PTPRG: variants seen among roughly 807,000 people sequenced by gnomAD.
The protein encoded by PTPRG is receptor-type tyrosine-protein phosphatase gamma.
In PTPRG, 102 loss-of-function variants were observed where a neutral mutation model predicts 165.3. The observed-to-expected ratio is 0.62, with a 90% confidence interval of 0.53 to 0.73. PTPRG has a LOEUF of 0.73. PTPRG is among the 30% of genes least tolerant of loss of function. PTPRG has a pLI of 0.00. For synonymous variants in PTPRG, 675 were observed against 669.5 expected (o/e 1.01, Z -0.13); for missense variants, 1,866 against 1,861.4 (o/e 1.00, Z -0.05).
chr3:62,277,423 G>C, intron 25 of PTPRG, 128 bp from the exon 26 acceptor site: 2 of 1,070,926 alleles, frequency 1.9e-6, no homozygotes, highest in Non-Finnish European at 2.7e-6. Context: ...CAAATGTACC[G>C]AATGCCTTTC....
chr3:61,829,037 G>A (rs934774432), intron 2 of PTPRG, among the ~76,000 whole-genome samples: 1 of 152,154 alleles, frequency 6.6e-6, no homozygotes, highest in African/African-American at 2.4e-5. Context: ...CTTAGCACGT[G>A]GTGTGTATGT....
chr3:61,574,897 A>T (rs1389605604), intron 1 of PTPRG, among the ~76,000 whole-genome samples: 1 of 152,124 alleles, frequency 6.6e-6, no homozygotes, highest in Non-Finnish European at 1.5e-5. Context: ...CATTCCCACG[A>T]GAAGTGACTC....
At chr3:61,941,749 G>T (rs1395687751) in intron 2 of PTPRG, among the ~76,000 whole-genome samples, 1 of 151,950 alleles carries the variant, frequency 6.6e-6, no homozygotes, top group Non-Finnish European at 1.5e-5. Flanking sequence ...TTTAAAAACA[G>T]TTTTTTTCAT....
At chr3:61,867,471 A>G (rs867284448) in intron 2 of PTPRG, among the ~76,000 whole-genome samples, 10 of 152,284 alleles carry the variant, frequency 6.6e-5, no homozygotes, top group African/African-American at 2.4e-4. Context: ...TTTATTTAAC[A>G]ATAATAATAA....
intron 1 of PTPRG, among the ~76,000 whole-genome samples, chr3:61,685,856 T>C (rs1356154746): frequency 6.6e-6 from 1 of 152,198 alleles, no homozygotes; most frequent in African/African-American, 2.4e-5. Context: ...GTCAGTGTAA[T>C]TGACTGCTGG....
chr3:62,086,084 A>G (rs1227510072), intron 5 of PTPRG, among the ~76,000 whole-genome samples: 1 of 152,188 alleles, frequency 6.6e-6, no homozygotes, highest in South Asian at 2.1e-4. Flanking sequence ...TTCGACTTGT[A>G]AATTTTAGAA....
intron 5 of PTPRG, among the ~76,000 whole-genome samples, chr3:62,123,157 A>G (rs918590851): frequency 2.0e-5 from 3 of 152,246 alleles, no homozygotes; most frequent in Non-Finnish European, 4.4e-5. Context: ...AACTGGGACT[A>G]TGATCTCATC....
At chr3:62,176,677 G>A (rs1705439123) in intron 8 of PTPRG, among the ~76,000 whole-genome samples, 1 of 152,052 alleles carries the variant, frequency 6.6e-6, no homozygotes, top group Admixed American at 6.5e-5. Flanking sequence ...TAGGGTATTG[G>A]TCACAGGGTT....
chr3:61,762,142 G>C (rs985340779), intron 2 of PTPRG, among the ~76,000 whole-genome samples: 1 of 152,114 alleles, frequency 6.6e-6, no homozygotes, highest in Non-Finnish European at 1.5e-5. Context: ...CTGTTGATAA[G>C]TACATGGTCC....
intron 1 of PTPRG, among the ~76,000 whole-genome samples, chr3:61,656,783 T>G (rs987887208): frequency 6.6e-6 from 1 of 152,234 alleles, no homozygotes; most frequent in African/African-American, 2.4e-5. Context: ...TCACATCCTT[T>G]AGTTGTTTTC....
rs1338958110 is a variant in PTPRG, at chr3:62,072,995, G to GGC, written c.520-5167_520-5166dup. ...AAAAAATAAAAAAATAGGAGAACGTGGCAGAGTGACAGGGAAATAGTTTTG... is the reference window on the plus strand; with the variant it reads ...AAAAAATAAAAAAATAGGAGAACGTGGCGCAGAGTGACAGGGAAATAGTTTTG... On this transcript the variant is annotated intron_variant, in intron 4 of 29. Coordinates refer to ENST00000474889, the MANE Select transcript of PTPRG (RefSeq NM_002841.4). Among the ~76,000 whole-genome samples, 6 of 152,138 alleles carry GGC rather than the reference G, an allele frequency of 3.9e-5. No homozygotes were observed. The East Asian group carries it at 1.2e-3, about 29-fold the overall frequency.
chr3:62,226,137 G>A (rs1700758930), intron 13 of PTPRG, among the ~76,000 whole-genome samples: 1 of 152,218 alleles, frequency 6.6e-6, no homozygotes, highest in African/African-American at 2.4e-5. Context: ...ATTTTTGGTG[G>A]ATTGTGGATT....
intron 2 of PTPRG, among the ~76,000 whole-genome samples, chr3:61,840,257 A>T (rs1366567816): frequency 1.3e-5 from 2 of 152,134 alleles, no homozygotes; most frequent in East Asian, 3.8e-4. Flanking sequence ...AAGTGTAGTT[A>T]ACATTCTTAA....
At chr3:62,269,966 A>G (rs535438643) in intron 20 of PTPRG, among the ~76,000 whole-genome samples, 9 of 152,308 alleles carry the variant, frequency 5.9e-5, no homozygotes, top group African/African-American at 2.2e-4. Context: ...CAAGAGAGTA[A>G]CAATACTGAA....
intron 5 of PTPRG, among the ~76,000 whole-genome samples, chr3:62,097,162 T>G (rs1386271111): frequency 3.9e-5 from 6 of 152,194 alleles, no homozygotes; most frequent in Non-Finnish European, 8.8e-5. Flanking sequence ...TTGTTCCACT[T>G]AGTATCATAA....
chr3:62,139,836 C>G (rs868025476), intron 6 of PTPRG, among the ~76,000 whole-genome samples: 14 of 152,292 alleles, frequency 9.2e-5, no homozygotes, highest in Middle Eastern at 3.4e-3. Context: ...ATGGACAAAG[C>G]CCTAGAATAG....
At chr3:61,590,092 G>C (rs562873945) in intron 1 of PTPRG, among the ~76,000 whole-genome samples, 1 of 152,002 alleles carries the variant, frequency 6.6e-6, no homozygotes, top group African/African-American at 2.4e-5. Flanking sequence ...GCTTGTGTCC[G>C]TGTACCATTG....
intron 4 of PTPRG, among the ~76,000 whole-genome samples, chr3:62,038,702 T>C (rs1700028646): frequency 1.3e-5 from 2 of 152,218 alleles, no homozygotes; most frequent in South Asian, 2.1e-4. Context: ...GGCCATGCTT[T>C]GTTTCTTAAT....
chr3:61,718,619 G>A (rs1401753026), intron 1 of PTPRG, among the ~76,000 whole-genome samples: 1 of 152,132 alleles, frequency 6.6e-6, no homozygotes, highest in Non-Finnish European at 1.5e-5. Context: ...AGGAAAAACC[G>A]TATCTCCAAA....
Sources: allele counts gnomAD v4.1 joint callset (sites outside exome capture counted in the v4.1 genomes callset), GRCh38; gene constraint gnomAD v4.1.1; transcripts MANE v1.5; gene names NCBI Gene and HGNC (gene_info 2026-07-23, HGNC 2026-07-21).